The following ZNF804A variants were observed in gnomAD, a reference collection of about 807,000 sequenced individuals.
ZNF804A encodes zinc finger protein 804A.
ZNF804A carries 2 observed loss-of-function variants against 16.5 expected under a neutral mutation model. The ratio of observed to expected loss-of-function variants is 0.12; its 90% CI spans 0.05 to 0.38. The LOEUF is 0.38. Ranked by LOEUF, ZNF804A falls within the 10% of genes least tolerant of loss-of-function variation. ZNF804A has a pLI of 0.99. For missense variants in ZNF804A, 1,473 were observed against 1,390.7 expected, an observed-to-expected ratio of 1.06 and a Z score of -0.94; for synonymous variants, 534 against 489.6, an observed-to-expected ratio of 1.09 and a Z score of -1.20.
chr2:184,735,315 T>C (rs1693589641), intron 1 of ZNF804A, among the ~76,000 whole-genome samples: 1 of 152,182 alleles, frequency 6.6e-6, no homozygotes, highest in Non-Finnish European at 1.5e-5. Flanking sequence ...TTACATTATG[T>C]ATCATTCTCA....
intron 1 of ZNF804A, among the ~76,000 whole-genome samples, chr2:184,632,702 C>A (rs1228102015): frequency 6.6e-6 from 1 of 152,168 alleles, no homozygotes; most frequent in Non-Finnish European, 1.5e-5. Flanking sequence ...TTGTCAGGCT[C>A]ATATTCAAAT....
intron 2 of ZNF804A, among the ~76,000 whole-genome samples, chr2:184,930,886 G>A (rs1685687305): frequency 6.6e-6 from 1 of 152,116 alleles, no homozygotes; most frequent in Non-Finnish European, 1.5e-5. Context: ...TTCTCATGCT[G>A]CTAATAAAGA....
intron 2 of ZNF804A, among the ~76,000 whole-genome samples, chr2:184,920,644 C>T (rs1559003194): frequency 6.6e-6 from 1 of 152,078 alleles, no homozygotes; most frequent in Non-Finnish European, 1.5e-5. Context: ...ATATACTTAG[C>T]AGAATGGAGA....
intron 1 of ZNF804A, 55 bp downstream of exon 1, chr2:184,599,125 A>G: frequency 7.3e-7 from 1 of 1,373,812 alleles, no homozygotes; most frequent in Non-Finnish European, 1.0e-6. Context: ...GGCATTTGGA[A>G]GATTGAGTTT....
At chr2:184,762,484 T>C (rs895359503) in intron 1 of ZNF804A, among the ~76,000 whole-genome samples, 1 of 151,958 alleles carries the variant, frequency 6.6e-6, no homozygotes, top group Non-Finnish European at 1.5e-5. Flanking sequence ...GTTTATAAAA[T>C]TAAAAAATAT....
chr2:184,851,960 T>C (rs1695610368), intron 1 of ZNF804A, among the ~76,000 whole-genome samples: 1 of 151,828 alleles, frequency 6.6e-6, no homozygotes, highest in South Asian at 2.1e-4. Context: ...TTGTTTCATA[T>C]ATCTTTGGGG....
intron 1 of ZNF804A, among the ~76,000 whole-genome samples, chr2:184,863,814 A>G (rs1403180342): frequency 6.6e-6 from 1 of 152,178 alleles, no homozygotes; most frequent in Non-Finnish European, 1.5e-5. Flanking sequence ...CTTTAAATTG[A>G]CTAATCCATA....
rs779032237 is a variant in ZNF804A, at chr2:184,938,115, T to C, written c.2719T>C (p.Leu907=). 3 of 1,614,132 alleles carry C rather than the reference T, an allele frequency of 1.9e-6. No homozygotes were observed. The highest frequency in any genetic ancestry group is 1.1e-5 in the South Asian group (1 of 91,084). ...AGAAATGGAGACCACTTCTGGTGAA[T>C]TGTCAGATGTTTCCAATGATCCCAC... ...HLEMETTSGE[L]SDVSNDPTTS... Residue 907 remains leucine (L), a synonymous_variant, in exon 4 of 4, where the codon TTG becomes CTG. Coordinates refer to ENST00000302277, the MANE Select transcript of ZNF804A (RefSeq NM_194250.2).
rs780649529 is a variant in ZNF804A at position 184,933,578 on chromosome 2, T to A, written c.256-25T>A. ...CTACTATAGACCAAAATACAATTAA[T>A]CATTTTCCAACTTTTTTTTAACAGA... On this transcript the variant is annotated intron_variant, in intron 2 of 3. Coordinates refer to ENST00000302277, the MANE Select transcript of ZNF804A (RefSeq NM_194250.2). 4 of 1,568,720 alleles carry A rather than the reference T, an allele frequency of 2.5e-6. No homozygotes were observed. In the East Asian group the frequency reaches 9.1e-5, roughly 36 times the overall value.
intron 1 of ZNF804A, among the ~76,000 whole-genome samples, chr2:184,755,136 A>G (rs1369891062): frequency 1.3e-5 from 2 of 151,948 alleles, no homozygotes; most frequent in Non-Finnish European, 2.9e-5. Context: ...CATGAGAACA[A>G]TCTCGGAAGT....
chr2:184,884,257 A>G (rs776330250), intron 2 of ZNF804A, among the ~76,000 whole-genome samples: 1 of 152,140 alleles, frequency 6.6e-6, no homozygotes, highest in Non-Finnish European at 1.5e-5. Context: ...GAGGTGAAAG[A>G]TCTTTACAAT....
intron 3 of ZNF804A, 61 bp downstream of exon 3, chr2:184,933,794 G>A (rs1004360595): frequency 1.3e-6 from 2 of 1,524,870 alleles, no homozygotes; most frequent in East Asian, 2.4e-5. Context: ...GGTATAGGGG[G>A]AGTCAGAAAT....
At chr2:184,650,845 T>A (rs1691971786) in intron 1 of ZNF804A, among the ~76,000 whole-genome samples, 6 of 152,102 alleles carry the variant, frequency 3.9e-5, no homozygotes, top group Admixed American at 3.9e-4. Context: ...ATTGGAAGAA[T>A]CAGTATTGTT....
chr2:184,740,038 C>G (rs1334909669), intron 1 of ZNF804A, among the ~76,000 whole-genome samples: 1 of 133,352 alleles, frequency 7.5e-6, no homozygotes, highest in Non-Finnish European at 1.5e-5. Context: ...TTTAGTCAAC[C>G]ATCTGTGACA....
intron 1 of ZNF804A, among the ~76,000 whole-genome samples, chr2:184,720,112 T>C (rs1693283648): frequency 6.6e-6 from 1 of 151,984 alleles, no homozygotes; most frequent in Non-Finnish European, 1.5e-5. Flanking sequence ...GAGAAGACGT[T>C]TTGTGCAGGG....
At chr2:184,762,848 TAA>T (rs1694059984) in intron 1 of ZNF804A, among the ~76,000 whole-genome samples, 1 of 152,104 alleles carries the variant, frequency 6.6e-6, no homozygotes, top group African/African-American at 2.4e-5. Context: ...AATTTGCAAA[TAA>T]ACATTTAAAA....
At chr2:184,725,696 G>T (rs1468158726) in intron 1 of ZNF804A, among the ~76,000 whole-genome samples, 1 of 151,186 alleles carries the variant, frequency 6.6e-6, no homozygotes, top group Non-Finnish European at 1.5e-5. Flanking sequence ...TACCACATAG[G>T]TAAATTTGTG....
At chr2:184,886,404 T>A (rs540084740) in intron 2 of ZNF804A, among the ~76,000 whole-genome samples, 2 of 152,108 alleles carry the variant, frequency 1.3e-5, no homozygotes, top group African/African-American at 2.4e-5. Context: ...AGGCACACAG[T>A]GCAAGTTGTC....
chr2:184,599,805 T>C (rs1691017284), intron 1 of ZNF804A, among the ~76,000 whole-genome samples: 1 of 152,198 alleles, frequency 6.6e-6, no homozygotes, highest in Non-Finnish European at 1.5e-5. Flanking sequence ...AGAGCACTCC[T>C]GATTGGTGGG....
Sources: allele counts gnomAD v4.1 joint callset (sites outside exome capture counted in the v4.1 genomes callset), GRCh38; gene constraint gnomAD v4.1.1; transcripts MANE v1.5; gene names NCBI Gene and HGNC (gene_info 2026-07-23, HGNC 2026-07-21).